The following PCNT variants were observed in gnomAD, a reference collection of about 807,000 sequenced individuals.
PCNT encodes pericentrin.
PCNT carries 319 observed loss-of-function variants against 380.4 expected under a neutral mutation model. The ratio of observed to expected loss-of-function variants is 0.84; its 90% CI spans 0.77 to 0.92. The LOEUF is 0.92. Among genes scored for constraint, PCNT ranks in the 40% least tolerant of loss-of-function variants. The probability of loss-of-function intolerance (pLI) is 0.00; values close to 1 mark genes in which losing one functional copy is unlikely to be tolerated. For missense variants in PCNT, 4,400 were observed against 4,255.3 expected (o/e 1.03, Z -0.95); for synonymous variants, 1,845 against 1,735.2 (o/e 1.06, Z -1.57).
intron 16 of PCNT, among the ~76,000 whole-genome samples, chr21:46,384,669 ATAG>A (rs201860934): frequency 5.9e-5 from 6 of 101,580 alleles, no homozygotes; most frequent in South Asian, 3.9e-4. Context: ...GGTATTGTGC[ATAG>A]TTCAGTGGCA....
At chr21:46,374,377 A>G (rs2085263783) in intron 15 of PCNT, among the ~76,000 whole-genome samples, 1 of 152,172 alleles carries the variant, frequency 6.6e-6, no homozygotes, top group Non-Finnish European at 1.5e-5. Flanking sequence ...CCCACGTGCC[A>G]GTCTCTTCTG....
At chr21:46,445,117 A>C (rs61649929) in intron 46 of PCNT, among the ~76,000 whole-genome samples, 167 bp from the exon 47 acceptor site, 1 of 152,340 alleles carries the variant, frequency 6.6e-6, no homozygotes, top group African/African-American at 2.4e-5. Flanking sequence ...CCAGGATATA[A>C]TTTGTTCAGT....
chr21:46,335,651 C>A (rs2083709628), intron 3 of PCNT, among the ~76,000 whole-genome samples: 1 of 148,462 alleles, frequency 6.7e-6, no homozygotes, highest in Non-Finnish European at 1.5e-5. Context: ...TCAGTTCACA[C>A]TGCTTTAGGC....
At chr21:46,435,308 C>T (rs916563663) in intron 38 of PCNT, among the ~76,000 whole-genome samples, 7 of 152,102 alleles carry the variant, frequency 4.6e-5, no homozygotes, top group Non-Finnish European at 1.0e-4. Flanking sequence ...TCACTGTAAC[C>T]TCTACCTTCT....
intron 36 of PCNT, 108 bp from the exon 37 acceptor site, chr21:46,430,399 C>A: frequency 6.8e-7 from 1 of 1,460,318 alleles, no homozygotes; most frequent in Non-Finnish European, 9.4e-7. Flanking sequence ...GGGGGTGAAG[C>A]ACACGTGTGG....
chr21:46,353,890 G>A, intron 10 of PCNT, 97 bp from the exon 11 acceptor site: 1 of 1,044,030 alleles, frequency 9.6e-7, no homozygotes, highest in Non-Finnish European at 1.5e-6. Flanking sequence ...GCACGAGGAG[G>A]CGCCTCTGCT....
At chr21:46,438,371 G>T (rs1226773170) in intron 41 of PCNT, 34 bp downstream of exon 41, 1 of 1,602,456 alleles carries the variant, frequency 6.2e-7, no homozygotes. Context: ...ACCTGCCTCA[G>T]CCTAACCCAC....
intron 27 of PCNT, 78 bp downstream of exon 27, chr21:46,402,561 C>G (rs1250980362): frequency 2.7e-6 from 4 of 1,492,408 alleles, no homozygotes; most frequent in Non-Finnish European, 2.8e-6. Flanking sequence ...AGACCCTCAT[C>G]GGGGAGGCGA....
intron 2 of PCNT, among the ~76,000 whole-genome samples, chr21:46,329,562 A>G (rs1486225916): frequency 6.6e-6 from 1 of 152,180 alleles, no homozygotes; most frequent in African/African-American, 2.4e-5. Context: ...CAGGCCCATT[A>G]CTGGTCCCCT....
chr21:46,435,357 C>T (rs1206091276), intron 38 of PCNT, among the ~76,000 whole-genome samples: 3 of 151,946 alleles, frequency 2.0e-5, no homozygotes, highest in African/African-American at 7.3e-5. Context: ...TCCCGAGTAG[C>T]TGGGATTACA....
Position 46,430,192 on chromosome 21 carries a change from C to G in PCNT, c.7873C>G (p.Arg2625Gly). 6.2e-7 allele frequency: 1 copy of G among 1,613,900 alleles called. No homozygotes were observed. Among genetic ancestry groups the G allele is most frequent in the Non-Finnish European group, 8.5e-7 (1 of 1,179,926 alleles). ...ESRQKSEQLS[R>G]SLCEVQQEVL... is the part of the protein sequence containing the mutation. ...CAGGCAGAAGAGCGAACAGCTGTCC[C>G]GGTCCCTCTGCGAGGTGCAGCAGGA... Residue 2625 changes from arginine to glycine, a missense_variant, in exon 36 of 47, where the codon CGG becomes GGG. Arg to Gly is a moderately radical substitution (Grantham distance 125). Coordinates refer to ENST00000359568, the MANE Select transcript of PCNT (RefSeq NM_006031.6).
intron 22 of PCNT, 134 bp downstream of exon 22, chr21:46,397,628 C>T: frequency 1.3e-6 from 1 of 765,048 alleles, no homozygotes; most frequent in South Asian, 1.6e-5. Context: ...TGCACAGGTG[C>T]ACCCAGGTCG....
intron 2 of PCNT, among the ~76,000 whole-genome samples, chr21:46,327,005 T>A (rs1191766350): frequency 1.3e-5 from 2 of 149,596 alleles, no homozygotes; most frequent in African/African-American, 2.5e-5. Flanking sequence ...AGAGCGAGAC[T>A]CTCTCTCAAA....
Position 46,391,317 on chromosome 21 carries a change from G to C in PCNT, c.4157G>C (p.Cys1386Ser), listed in dbSNP as rs905996823. 6.4e-7 allele frequency: 1 copy of C among 1,564,174 alleles called. No individual in the cohort carries two copies. Among genetic ancestry groups the C allele is most frequent in the Admixed American group, 1.9e-5 (1 of 52,056 alleles). The change falls in exon 21 of 47, where the codon TGC becomes TCC. Residue 1386 changes from cysteine to serine, a missense_variant. Cys to Ser is a moderately radical substitution (Grantham distance 112). Coordinates refer to ENST00000359568, the MANE Select transcript of PCNT (RefSeq NM_006031.6). ...AQEQAALREECTRLWSRGEAT... is the reference protein window; with the variant it reads ...AQEQAALREESTRLWSRGEAT... Reference sequence around the variant, plus strand: ...GAGCAGGCGGCGCTGAGGGAGGAGTGCACCCGTCTGTGGAGTCGGGGGGAG... The same window carrying C: ...GAGCAGGCGGCGCTGAGGGAGGAGTCCACCCGTCTGTGGAGTCGGGGGGAG...
chr21:46,442,682 A>G, intron 44 of PCNT, 109 bp downstream of exon 44: 2 of 773,756 alleles, frequency 2.6e-6, no homozygotes, highest in Non-Finnish European at 4.5e-6. Context: ...GTAATAAAGC[A>G]CGGTAAGAAA....
rs763005533 is a variant in PCNT at position 46,440,184 on chromosome 21, A to G, written c.9375A>G (p.Ala3125=). The G allele has an allele frequency of 3.1e-6, 5 of 1,614,028 alleles. No homozygotes were observed. The African/African-American group carries it at 4.0e-5, about 13-fold the overall frequency. The change falls in exon 42 of 47, where the codon GCA becomes GCG. Residue 3125 remains alanine (A), a synonymous_variant. Transcript: ENST00000359568. ...TTCCACCAGCTGCCAGCGAGGAAGCACACACCAGCAATGTCAAGGTAGGAA... is the reference window on the plus strand; with the variant it reads ...TTCCACCAGCTGCCAGCGAGGAAGCGCACACCAGCAATGTCAAGGTAGGAA... The part of the protein sequence containing the change: ...GRLPPAASEE[A]HTSNVKMEKL...
In PCNT at chr21:46,437,048, G is replaced by A. The variant is rs1201314989; in HGVS notation, c.9066G>A (p.Leu3022=). The A allele has an allele frequency of 6.2e-7, 1 of 1,613,958 alleles. No individual in the cohort carries two copies. Among genetic ancestry groups the A allele is most frequent in the East Asian group, 2.2e-5 (1 of 44,902 alleles). ...CTTTACTGCACACGTTGGAGGAGCT[G>A]AAGTCTGACTTGAGCAGGCCCACCT... The part of the protein sequence containing the change: ...VMSLLHTLEE[L]KSDLSRPTSS... Residue 3022 remains leucine (L), a synonymous_variant, in exon 40 of 47, where the codon CTG becomes CTA. Transcript: ENST00000359568.
At chr21:46,430,973 G>A in intron 37 of PCNT, 1 of 985,432 alleles carries the variant, frequency 1.0e-6, no homozygotes, top group Non-Finnish European at 1.2e-6. Context: ...CAGCCTCAGA[G>A]GTCTGTGCAC....
At chr21:46,432,321 T>TCAGA in intron 38 of PCNT, 106 bp downstream of exon 38, 1 of 1,020,610 alleles carries the variant, frequency 9.8e-7, no homozygotes, top group Non-Finnish European at 1.5e-6. Flanking sequence ...CCCTCTGACC[T>TCAGA]GGTCTGCTCT....
Sources: allele counts gnomAD v4.1 joint callset (sites outside exome capture counted in the v4.1 genomes callset), GRCh38; gene constraint gnomAD v4.1.1; transcripts MANE v1.5; gene names NCBI Gene and HGNC (gene_info 2026-07-23, HGNC 2026-07-21).